Variants in PLCXD3 observed in about 807,000 individuals in gnomAD.
PLCXD3 encodes the protein phosphatidylinositol specific phospholipase C X domain containing 3.
Under a neutral mutation model 25.5 loss-of-function variants are expected in PLCXD3, and 19 were observed. That is an observed-to-expected ratio of 0.75 (90% CI 0.52 to 1.09). The LOEUF is 1.09. PLCXD3 is among the 50% of genes least tolerant of loss of function. The pLI is 0.00. For synonymous variants in PLCXD3, 174 were observed against 137.6 expected (o/e 1.26, Z -1.85); for missense variants, 411 against 388.1 (o/e 1.06, Z -0.50).
At chr5:41,418,771 T>C (rs1003129376) in intron 1 of PLCXD3, among the ~76,000 whole-genome samples, 4 of 152,188 alleles carry the variant, frequency 2.6e-5, no homozygotes, top group Non-Finnish European at 5.9e-5. Context: ...TCCTAATTGT[T>C]TGTTATTCCA....
In PLCXD3 at chr5:41,384,602, C is replaced by A. The variant is rs1251694217; in HGVS notation, c.104-2068G>T. ...AAGGGAATTAAGTATAACTAGATTT[C>A]TTTTACTAGAAATGAGTGGTTCTCT... On this transcript the variant is annotated intron_variant, in intron 1 of 2. Coordinates refer to ENST00000377801, the MANE Select transcript of PLCXD3 (RefSeq NM_001005473.3). Among the ~76,000 whole-genome samples, 4 of 152,070 alleles carry A rather than the reference C, an allele frequency of 2.6e-5. No homozygotes were observed. The East Asian group carries it at 5.8e-4, about 22-fold the overall frequency.
At chr5:41,469,223 AC>A (rs1304598294) in intron 1 of PLCXD3, among the ~76,000 whole-genome samples, 1 of 152,342 alleles carries the variant, frequency 6.6e-6, no homozygotes, top group East Asian at 1.9e-4. Flanking sequence ...TTAGAAATAA[AC>A]ACAATATGAT....
At chr5:41,464,229 C>A (rs1747958314) in intron 1 of PLCXD3, among the ~76,000 whole-genome samples, 1 of 152,006 alleles carries the variant, frequency 6.6e-6, no homozygotes, top group African/African-American at 2.4e-5. Flanking sequence ...GATGAGGAGC[C>A]ATTTATTGAG....
Position 41,309,241 on chromosome 5 carries a change from A to G in PLCXD3, c.*4376T>C, listed in dbSNP as rs1281878197. On this transcript the variant is annotated 3_prime_UTR_variant, in exon 3 of 3. Coordinates refer to ENST00000377801, the MANE Select transcript of PLCXD3 (RefSeq NM_001005473.3). The stretch of plus-strand genomic sequence containing the variant: ...ACACAATTTTCAACAGATTCAATTG[A>G]CATGTTTTACAAATTCTACAGAACA... The G allele has an allele frequency of 6.6e-6, 1 of 152,594 alleles. No individual in the cohort carries two copies. The highest frequency in any genetic ancestry group is 2.4e-5 in the African/African-American group (1 of 41,452). The allele number at this position is 152,594 out of a possible 1,614,324, so 9.5% of individuals were successfully genotyped here.
At chr5:41,361,357 C>A (rs996644448) in intron 2 of PLCXD3, among the ~76,000 whole-genome samples, 1 of 152,150 alleles carries the variant, frequency 6.6e-6, no homozygotes, top group African/African-American at 2.4e-5. Flanking sequence ...GCAGGCAGAC[C>A]CGCAGTTTTT....
At chr5:41,388,738 T>A (rs1745716974) in intron 1 of PLCXD3, among the ~76,000 whole-genome samples, 1 of 152,016 alleles carries the variant, frequency 6.6e-6, no homozygotes, top group African/African-American at 2.4e-5. Context: ...TATTACTGTA[T>A]TATAATTTTA....
At chr5:41,334,621 A>T (rs971809112) in intron 2 of PLCXD3, among the ~76,000 whole-genome samples, 2 of 152,210 alleles carry the variant, frequency 1.3e-5, no homozygotes, top group African/African-American at 4.8e-5. Context: ...TTTAACAAAA[A>T]GTAATGCAGA....
chr5:41,478,318 T>C (rs1210939173), intron 1 of PLCXD3, among the ~76,000 whole-genome samples: 1 of 152,216 alleles, frequency 6.6e-6, no homozygotes, highest in Non-Finnish European at 1.5e-5. Flanking sequence ...TAATAATTCA[T>C]GAGTTTAAAG....
At chr5:41,365,755 C>T (rs1440585913) in intron 2 of PLCXD3, among the ~76,000 whole-genome samples, 1 of 152,026 alleles carries the variant, frequency 6.6e-6, no homozygotes, top group African/African-American at 2.4e-5. Flanking sequence ...ACTTTCTTCC[C>T]CACCTCAATT....
intron 1 of PLCXD3, among the ~76,000 whole-genome samples, chr5:41,403,347 C>A (rs1580353725): frequency 3.4e-5 from 4 of 118,596 alleles, no homozygotes; most frequent in African/African-American, 6.2e-5. Flanking sequence ...CAGAAAAGTA[C>A]AAAATAACAC....
At chr5:41,469,300 G>T in intron 1 of PLCXD3, among the ~76,000 whole-genome samples, 1 of 151,584 alleles carries the variant, frequency 6.6e-6, no homozygotes, top group African/African-American at 2.4e-5. Context: ...GAGGATTTTT[G>T]TTTCTACATT....
At chr5:41,430,128 C>T (rs1443463396) in intron 1 of PLCXD3, among the ~76,000 whole-genome samples, 5 of 152,224 alleles carry the variant, frequency 3.3e-5, no homozygotes, top group East Asian at 3.9e-4. Flanking sequence ...GCTTTAGTTG[C>T]GTCAACTCCA....
chr5:41,396,383 T>A (rs1187821904), intron 1 of PLCXD3, among the ~76,000 whole-genome samples: 1 of 152,126 alleles, frequency 6.6e-6, no homozygotes, highest in Admixed American at 6.6e-5. Flanking sequence ...CCCTTCACCC[T>A]CCACAATGAT....
rs1580393645 is a variant in PLCXD3 at position 41,479,352 on chromosome 5, G to T, written c.103+31072C>A. Among the ~76,000 whole-genome samples, 4 of 152,262 alleles carry T rather than the reference G, an allele frequency of 2.6e-5. 1 individual carries two copies. The highest frequency in any genetic ancestry group is 2.6e-4 in the Admixed American group (4 of 15,290). ...GAGAGGGAAGAATGAGGAGGAGTTAGTGTTTGATTGGTATAGAGTTTTAGT... is the reference window on the plus strand; with the variant it reads ...GAGAGGGAAGAATGAGGAGGAGTTATTGTTTGATTGGTATAGAGTTTTAGT... On this transcript the variant is annotated intron_variant, in intron 1 of 2. Coordinates refer to ENST00000377801, the MANE Select transcript of PLCXD3 (RefSeq NM_001005473.3).
intron 1 of PLCXD3, among the ~76,000 whole-genome samples, chr5:41,488,079 C>A (rs1748561680): frequency 7.6e-6 from 1 of 132,138 alleles, no homozygotes; most frequent in East Asian, 2.5e-4. Flanking sequence ...CCCCCCTCCC[C>A]CCACGCCACA....
rs1382718634 is a variant in PLCXD3 at position 41,488,518 on chromosome 5, G to T, written c.103+21906C>A. ...GGAATCGCCACACTGACTTCCACAA[G>T]GGTTGAACTAGTTTACAGTCCCACC... is the stretch of plus-strand genomic sequence containing the variant. On this transcript the variant is annotated intron_variant, in intron 1 of 2. Coordinates refer to ENST00000377801, the MANE Select transcript of PLCXD3 (RefSeq NM_001005473.3). Among the ~76,000 whole-genome samples the T allele has an allele frequency of 6.8e-4, 89 of 130,566 alleles. No homozygotes were observed. The Middle Eastern group carries it at 0.018, about 27-fold the overall frequency. 85.7% of individuals were successfully genotyped at this position (130,566 alleles called of 152,430 possible).
intron 1 of PLCXD3, among the ~76,000 whole-genome samples, chr5:41,428,377 T>TTG (rs1561270562): frequency 1.7e-5 from 2 of 117,272 alleles, no homozygotes; most frequent in Non-Finnish European, 3.7e-5. Context: ...AAAATGAGTT[T>TTG]TTTTGTTTTT....
intron 1 of PLCXD3, among the ~76,000 whole-genome samples, chr5:41,437,833 T>C (rs967355657): frequency 3.3e-5 from 5 of 152,024 alleles, no homozygotes; most frequent in East Asian, 1.9e-4. Context: ...TGGGAAGAAA[T>C]TGGATTATAA....
At chr5:41,436,055 A>T (rs533884412) in intron 1 of PLCXD3, among the ~76,000 whole-genome samples, 3 of 152,278 alleles carry the variant, frequency 2.0e-5, no homozygotes, top group African/African-American at 7.2e-5. Context: ...ATATTGAAAG[A>T]GAAGTTGGAA....
Sources: gnomAD v4.1 joint callset for allele counts (sites outside exome capture counted in the v4.1 genomes callset) on GRCh38, gnomAD v4.1.1 for gene constraint, MANE v1.5 for transcripts, NCBI Gene and HGNC (gene_info 2026-07-23, HGNC 2026-07-21) for gene names.